The following MID1 variants were observed in gnomAD, a reference collection of about 807,000 sequenced individuals.
MID1 encodes the protein E3 ubiquitin-protein ligase Midline-1.
MID1 carries 7 observed loss-of-function variants against 40.4 expected under a neutral mutation model. The ratio of observed to expected loss-of-function variants is 0.17; its 90% CI spans 0.10 to 0.33. The LOEUF is 0.33. Among genes scored for constraint, MID1 ranks in the 10% least tolerant of loss-of-function variants. MID1 has a pLI of 1.00. For missense variants in MID1, 367 were observed against 558.5 expected (o/e 0.66, Z 3.46); for synonymous variants, 229 against 221.2 (o/e 1.04, Z -0.31).
intron 2 of MID1, among the ~76,000 whole-genome samples, chrX:10,532,131 C>T (rs1435087143): frequency 8.9e-6 from 1 of 111,874 alleles, no homozygotes; most frequent in Non-Finnish European, 1.9e-5. Context: ...CCTCTCTGCT[C>T]ATTTGCCCTT....
chrX:10,525,216 T>C (rs1011589986), intron 2 of MID1, among the ~76,000 whole-genome samples: 1 of 112,518 alleles, frequency 8.9e-6, no homozygotes, highest in Non-Finnish European at 1.9e-5. Context: ...ACCACTTTCA[T>C]CTAAGGCTTA....
chrX:10,543,565 G>GTGGTGTGGTGTGGTGTGGTGTGT (rs1397625070), intron 2 of MID1, among the ~76,000 whole-genome samples: 2 of 111,540 alleles, frequency 1.8e-5, no homozygotes, highest in Non-Finnish European at 3.8e-5. Context: ...ACTCAGAGCT[G>GTGGTGTGGTGTGGTGTGGTGTGT]GGTGTGGTGG....
intron 1 of MID1, among the ~76,000 whole-genome samples, chrX:10,680,360 G>A (rs1169924282): frequency 8.9e-6 from 1 of 111,766 alleles, no homozygotes; most frequent in African/African-American, 3.3e-5. Context: ...ACCATCTGGG[G>A]ATTATATTTG....
chrX:10,478,160 C>T (rs1310172033), intron 5 of MID1, among the ~76,000 whole-genome samples: 2 of 112,098 alleles, frequency 1.8e-5, no homozygotes, highest in African/African-American at 6.5e-5. Context: ...GATTTTAATT[C>T]TAGATTCTTC....
intron 1 of MID1, among the ~76,000 whole-genome samples, chrX:10,722,104 G>A (rs888722084): frequency 9.4e-6 from 1 of 106,108 alleles, no homozygotes; most frequent in African/African-American, 3.7e-5. Flanking sequence ...TTAAAAGCAA[G>A]CATATGGCTG....
chrX:10,475,635 C>A (rs1473408103), intron 5 of MID1, among the ~76,000 whole-genome samples: 4 of 112,136 alleles, frequency 3.6e-5, no homozygotes, highest in Non-Finnish European at 7.5e-5. Flanking sequence ...TGATGCTGGA[C>A]TAGTAATCTT....
chrX:10,798,330 G>A (rs1476130392), intron 1 of MID1, among the ~76,000 whole-genome samples: 1 of 112,007 alleles, frequency 8.9e-6, no homozygotes, highest in African/African-American at 3.2e-5. Flanking sequence ...CCTATCAAAA[G>A]CAGATATGTT....
At position 10,445,960 on chromosome X, in the gene MID1, T is replaced by C. The variant is rs958334771; in HGVS notation, c.*3408A>G. 9.0e-6 allele frequency: 1 copy of C among 111,326 alleles called. No individual in the cohort carries two copies. The highest frequency in any genetic ancestry group is 1.9e-5 in the Non-Finnish European group (1 of 53,065). The allele number at this position is 111,326 out of a possible 1,213,427, so 9.2% of individuals were successfully genotyped here. A position where few individuals can be genotyped will look rare whatever the true frequency, so the allele number is the denominator to read the frequency against. ...ATTAAAAGAAAACCAACGATCAAGT[T>C]TCTACACTGCAGCACTGTTGATATT... On this transcript the variant is annotated 3_prime_UTR_variant, in exon 10 of 10. Transcript: ENST00000317552.
chrX:10,611,258 T>C (rs1935732142), intron 1 of MID1, among the ~76,000 whole-genome samples: 1 of 112,355 alleles, frequency 8.9e-6, no homozygotes, highest in Non-Finnish European at 1.9e-5. Flanking sequence ...CTTTGAAGAT[T>C]AGAATTCATA....
intron 6 of MID1, among the ~76,000 whole-genome samples, chrX:10,474,125 T>C (rs1929867131): frequency 8.9e-6 from 1 of 111,982 alleles, no homozygotes; most frequent in South Asian, 3.7e-4. Flanking sequence ...TGTCATTCCC[T>C]AGTTACCTGA....
intron 1 of MID1, among the ~76,000 whole-genome samples, chrX:10,821,214 T>A (rs1033909514): frequency 8.9e-6 from 1 of 112,082 alleles, no homozygotes; most frequent in Non-Finnish European, 1.9e-5. Context: ...AGAAGACATT[T>A]GTGGGGATTA....
At chrX:10,515,278 C>T (rs1932346226) in intron 3 of MID1, among the ~76,000 whole-genome samples, 1 of 112,422 alleles carries the variant, frequency 8.9e-6, no homozygotes, top group African/African-American at 3.2e-5. Flanking sequence ...AAGTCTTCTA[C>T]AGACTCCCAT....
intron 5 of MID1, chrX:10,475,262 T>C: frequency 3.1e-6 from 1 of 323,469 alleles, no homozygotes; most frequent in Admixed American, 3.2e-5. Context: ...AATCAATTAC[T>C]AGCCTCTCTC....
chrX:10,621,061 A>ATATT (rs1365979211), upstream of MID1, among the ~76,000 whole-genome samples: 1 of 112,395 alleles, frequency 8.9e-6, no homozygotes, highest in Non-Finnish European at 1.9e-5. Context: ...GATTAACTGT[A>ATATT]TATTCAATTT....
chrX:10,539,639 T>C (rs980592297), intron 2 of MID1, among the ~76,000 whole-genome samples: 1 of 112,770 alleles, frequency 8.9e-6, no homozygotes, highest in Non-Finnish European at 1.9e-5. Flanking sequence ...TTGATTATAA[T>C]GATCTCCTGA....
chrX:10,682,108 C>A (rs112383302), intron 1 of MID1, among the ~76,000 whole-genome samples: 5,255 of 110,267 alleles, frequency 0.048, 184 homozygotes, highest in African/African-American at 0.13. Flanking sequence ...GAGTTCAAAA[C>A]CAGCCTAAGC....
Position 10,449,501 on chromosome X carries a change from A to C in MID1, c.1871T>G (p.Ile624Ser). Residue 624 changes from isoleucine (I) to serine (S), a missense_variant, in exon 10 of 10, where the codon ATC becomes AGC. Physicochemically the swap from Ile to Ser is moderately radical, Grantham distance 142. This residue lies in a region of MID1 where 275 missense variants were observed against 383.1 expected (regional missense o/e 0.72). Transcript: ENST00000317552. ...SIAFYDALNS[I>S]HLYTFDVAFA... Reference sequence around the variant, plus strand: ...TGCGACGTCGAAGGTGTAGAGGTGGATGGAGTTCAAAGCATCATAAAAGGC... The same window carrying C: ...TGCGACGTCGAAGGTGTAGAGGTGGCTGGAGTTCAAAGCATCATAAAAGGC... The C allele has an allele frequency of 8.3e-7, 1 of 1,211,640 alleles. No individual in the cohort carries two copies. The highest frequency in any genetic ancestry group is 1.1e-6 in the Non-Finnish European group (1 of 895,442).
intron 1 of MID1, among the ~76,000 whole-genome samples, chrX:10,693,193 C>CTTTTTTT (rs758493757): frequency 1.1e-5 from 1 of 93,344 alleles, no homozygotes; most frequent in Non-Finnish European, 2.1e-5. Context: ...GGTGTTTTAA[C>CTTTTTTT]TTTTTTTTTT....
chrX:10,575,829 G>A (rs938949754), intron 1 of MID1, among the ~76,000 whole-genome samples: 8 of 110,950 alleles, frequency 7.2e-5, no homozygotes, highest in Non-Finnish European at 1.3e-4. Flanking sequence ...AATACATCAA[G>A]TAAGAACAGG....
Sources: allele counts gnomAD v4.1 joint callset (sites outside exome capture counted in the v4.1 genomes callset), GRCh38; gene constraint gnomAD v4.1.1; regional missense constraint gnomAD v4.1.1; transcripts MANE v1.5; gene names NCBI Gene and HGNC (gene_info 2026-07-23, HGNC 2026-07-21).